The following PRELID2 variants were observed in gnomAD, a reference collection of about 807,000 sequenced individuals.
The protein encoded by PRELID2 is PRELI domain-containing protein 2.
Under a neutral mutation model 28.4 loss-of-function variants are expected in PRELID2, and 25 were observed. The observed-to-expected ratio is 0.88, with a 90% confidence interval of 0.64 to 1.23. The LOEUF is 1.23. Among genes scored for constraint, PRELID2 ranks in the 50% most tolerant of loss-of-function variants. The pLI, the probability that PRELID2 is intolerant of heterozygous loss-of-function variation, is 0.00. For synonymous variants in PRELID2, 76 were observed against 71.6 expected (o/e 1.06, Z -0.31); for missense variants, 201 against 214.4 (o/e 0.94, Z 0.39).
intron 1 of PRELID2, among the ~76,000 whole-genome samples, chr5:145,744,250 G>C (rs1466909017): frequency 6.6e-6 from 1 of 152,242 alleles, no homozygotes; most frequent in Non-Finnish European, 1.5e-5. Flanking sequence ...TTCTCCTGCA[G>C]ACCAGCAGAC....
At chr5:145,769,165 C>T (rs1757954077) in intron 5 of PRELID2, among the ~76,000 whole-genome samples, 1 of 152,184 alleles carries the variant, frequency 6.6e-6, no homozygotes, top group Non-Finnish European at 1.5e-5. Flanking sequence ...ATAGATAAGG[C>T]TTAAAAGCTT....
At chr5:145,814,460 G>GGTTTTTCTTGCTCTGAACTA (rs1754163622) in intron 4 of PRELID2, among the ~76,000 whole-genome samples, 1 of 152,110 alleles carries the variant, frequency 6.6e-6, no homozygotes, top group Non-Finnish European at 1.5e-5. Flanking sequence ...AAAACTAGCG[G>GGTTTTTCTTGCTCTGAACTA]GTGGTTCAGA....
chr5:145,488,739 G>A (rs1752243963), intron 1 of PRELID2, among the ~76,000 whole-genome samples: 3 of 152,142 alleles, frequency 2.0e-5, no homozygotes, highest in African/African-American at 7.2e-5. Context: ...TAAATACTAG[G>A]TAGTAATAGT....
At chr5:145,596,203 T>C (rs924009678) in intron 1 of PRELID2, among the ~76,000 whole-genome samples, 3 of 151,752 alleles carry the variant, frequency 2.0e-5, no homozygotes, top group Admixed American at 6.6e-5. Flanking sequence ...GGAGAACTTA[T>C]GTTAATATAC....
the PRELID2 span, among the ~76,000 whole-genome samples, chr5:145,409,716 A>T: frequency 6.6e-6 from 1 of 150,750 alleles, no homozygotes; most frequent in Non-Finnish European, 1.5e-5. Context: ...GATCAAGACC[A>T]TCCTGGCTAA....
At position 145,614,552 on chromosome 5, in the gene PRELID2, T is replaced by C. The variant is rs555793573; in HGVS notation, n.71-141237A>G. 2.0e-5 allele frequency among the ~76,000 whole-genome samples: 3 copies of C among 151,438 alleles called. 1 individual carries two copies. The South Asian group carries it at 6.3e-4, about 32-fold the overall frequency. On this transcript the variant is annotated intron_variant and non_coding_transcript_variant, in intron 1 of 2. Coordinates refer to the PRELID2 transcript ENST00000510259. ...TCTTTCAGCTCCTTGGTTAGGGGTA[T>C]TCCTAAGTATTTTATTTTTATTACT...
chr5:145,514,070 T>C (rs992223200), intron 1 of PRELID2, among the ~76,000 whole-genome samples: 1 of 152,082 alleles, frequency 6.6e-6, no homozygotes. Flanking sequence ...ATCGACACTA[T>C]GAAGAAACTG....
chr5:145,503,542 A>G (rs1752378345), intron 1 of PRELID2, among the ~76,000 whole-genome samples: 1 of 152,094 alleles, frequency 6.6e-6, no homozygotes. Context: ...GAAAAAAATC[A>G]CTATTATCAT....
the PRELID2 span, among the ~76,000 whole-genome samples, chr5:145,407,529 G>A: frequency 6.6e-6 from 1 of 152,004 alleles, no homozygotes; most frequent in African/African-American, 2.4e-5. Flanking sequence ...TACCTGCCCT[G>A]GTAGCTGAAT....
the PRELID2 span, among the ~76,000 whole-genome samples, chr5:145,232,046 A>AT: frequency 6.6e-6 from 1 of 152,084 alleles, no homozygotes; most frequent in Non-Finnish European, 1.5e-5. Flanking sequence ...AATGTATCAG[A>AT]TTTTTTAAAA....
chr5:145,590,036 A>G (rs571377606), intron 1 of PRELID2, among the ~76,000 whole-genome samples: 4 of 152,180 alleles, frequency 2.6e-5, no homozygotes, highest in Non-Finnish European at 5.9e-5. Flanking sequence ...TTACGAAGGG[A>G]GTATGAATTG....
chr5:145,807,596 T>C (rs1753600903), intron 4 of PRELID2, among the ~76,000 whole-genome samples: 1 of 152,010 alleles, frequency 6.6e-6, no homozygotes, highest in Admixed American at 6.6e-5. Flanking sequence ...AGCTCCCATA[T>C]TACTGGCTCA....
At chr5:145,417,286 C>G in the PRELID2 span, among the ~76,000 whole-genome samples, 4 of 152,036 alleles carry the variant, frequency 2.6e-5, no homozygotes, top group South Asian at 2.1e-4. Context: ...AGCCCAAGAC[C>G]AGATGAATTC....
the PRELID2 span, among the ~76,000 whole-genome samples, chr5:145,240,194 G>A: frequency 2.6e-5 from 4 of 151,850 alleles, no homozygotes; most frequent in Admixed American, 2.0e-4. Context: ...TCTCTACATT[G>A]AGCAAATGTA....
At chr5:145,753,258 G>T (rs909298698), downstream of PRELID2, among the ~76,000 whole-genome samples, 1 of 152,122 alleles carries the variant, frequency 6.6e-6, no homozygotes, top group Non-Finnish European at 1.5e-5. Context: ...AGCACAGCAT[G>T]CAGTCCACAG....
At chr5:145,360,013 C>T in the PRELID2 span, among the ~76,000 whole-genome samples, 1 of 152,164 alleles carries the variant, frequency 6.6e-6, no homozygotes, top group Non-Finnish European at 1.5e-5. Context: ...AGAAATATGT[C>T]AGACCTGCTG....
At chr5:145,512,164 G>A (rs1174151034) in intron 1 of PRELID2, among the ~76,000 whole-genome samples, 1 of 152,108 alleles carries the variant, frequency 6.6e-6, no homozygotes, top group Non-Finnish European at 1.5e-5. Flanking sequence ...TGGCTGGCAA[G>A]ATGGCCGAAT....
chr5:145,400,000 TG>T, the PRELID2 span, among the ~76,000 whole-genome samples: 3,885 of 152,226 alleles, frequency 0.026, 141 homozygotes, highest in African/African-American at 0.082. Flanking sequence ...GAGATTTGGA[TG>T]GGGACACAGC....
chr5:145,802,771 A>C (rs1001728636), intron 4 of PRELID2, among the ~76,000 whole-genome samples: 1 of 152,192 alleles, frequency 6.6e-6, no homozygotes, highest in African/African-American at 2.4e-5. Flanking sequence ...AGAAAGCACA[A>C]CTCAAATCCC....
Sources: gnomAD v4.1 joint callset for allele counts (sites outside exome capture counted in the v4.1 genomes callset) on GRCh38, gnomAD v4.1.1 for gene constraint, MANE v1.5 for transcripts, NCBI Gene and HGNC (gene_info 2026-07-23, HGNC 2026-07-21) for gene names.